ASTN1: variants seen among roughly 807,000 people sequenced by gnomAD.
ASTN1 encodes the protein astrotactin-1.
Under a neutral mutation model 140.7 loss-of-function variants are expected in ASTN1, and 41 were observed. The ratio of observed to expected loss-of-function variants is 0.29; its 90% CI spans 0.23 to 0.38. The LOEUF (loss-of-function observed/expected upper bound fraction) is 0.38. Ranked by LOEUF, ASTN1 falls within the 10% of genes least tolerant of loss-of-function variation. The pLI, the probability that ASTN1 is intolerant of heterozygous loss-of-function variation, is 1.00. For synonymous variants in ASTN1, 640 were observed against 652.2 expected (o/e 0.98, Z 0.29); for missense variants, 1,479 against 1,678.8 (o/e 0.88, Z 2.08).
chr1:177,141,836 CGTCACCTTGGAGCAAAACCAAAGCATA>C (rs1682486252), intron 1 of ASTN1, among the ~76,000 whole-genome samples: 1 of 152,170 alleles, frequency 6.6e-6, no homozygotes, highest in Non-Finnish European at 1.5e-5. Flanking sequence ...ATTTTGGAAA[CGTCACCTTGGAGCAAAACCAAAGCATA>C]GTTATGTGCT....
chr1:177,081,404 T>C (rs1679173931), intron 1 of ASTN1, among the ~76,000 whole-genome samples: 1 of 152,120 alleles, frequency 6.6e-6, no homozygotes, highest in African/African-American at 2.4e-5. Context: ...AGTAATGCAA[T>C]AAAGGGTCAG....
At chr1:176,965,413 G>A (rs546882864) in intron 8 of ASTN1, among the ~76,000 whole-genome samples, 176 bp from the exon 9 acceptor site, 3 of 152,140 alleles carry the variant, frequency 2.0e-5, no homozygotes, top group South Asian at 4.1e-4. Flanking sequence ...GGGACCTGAC[G>A]AAGAACACGA....
At chr1:177,102,463 C>A (rs751191904) in intron 1 of ASTN1, among the ~76,000 whole-genome samples, 1 of 152,092 alleles carries the variant, frequency 6.6e-6, no homozygotes, top group Non-Finnish European at 1.5e-5. Context: ...GGTCAATGAC[C>A]CTTTGCAGAA....
At chr1:177,011,718 T>G (rs1675303969) in intron 8 of ASTN1, among the ~76,000 whole-genome samples, 1 of 150,490 alleles carries the variant, frequency 6.6e-6, no homozygotes, top group Non-Finnish European at 1.5e-5. Context: ...CATACACACA[T>G]GCACACACAT....
intron 16 of ASTN1, among the ~76,000 whole-genome samples, chr1:176,903,687 A>AC (rs1399020952): frequency 1.3e-5 from 2 of 152,140 alleles, no homozygotes; most frequent in African/African-American, 4.8e-5. Flanking sequence ...AGAGCTAATC[A>AC]CCAAGGCTCT....
At position 176,861,195 on chromosome 1, in the gene ASTN1, G is replaced by A. The variant is rs1044324540; in HGVS notation, c.*3089C>T. ...TATTATATTCTTTCTTCCTTCTGCA[G>A]TAGTAAAGTGTTTTTCTTCATACTC... is the stretch of plus-strand genomic sequence containing the variant. On this transcript the variant is annotated 3_prime_UTR_variant, in exon 23 of 23. Coordinates refer to ENST00000361833, the MANE Select transcript of ASTN1 (RefSeq NM_004319.3). 1.5e-4 allele frequency: 143 copies of A among 967,558 alleles called. No individual in the cohort carries two copies. Among genetic ancestry groups the A allele is most frequent in the Non-Finnish European group, 1.7e-4 (141 of 813,538 alleles). 59.9% of individuals were successfully genotyped at this position (967,558 alleles called of 1,614,324 possible).
intron 8 of ASTN1, among the ~76,000 whole-genome samples, chr1:176,975,174 T>C (rs887049042): frequency 2.6e-5 from 4 of 152,236 alleles, no homozygotes; most frequent in African/African-American, 7.2e-5. Flanking sequence ...AAGCTGGTAA[T>C]AGCAGCTGCC....
intron 1 of ASTN1, among the ~76,000 whole-genome samples, chr1:177,160,360 CTT>C (rs1190128107): frequency 6.6e-6 from 1 of 152,350 alleles, no homozygotes; most frequent in East Asian, 1.9e-4. Context: ...GCTCCAGACA[CTT>C]TAAACAGCAC....
intron 16 of ASTN1, among the ~76,000 whole-genome samples, chr1:176,915,552 C>T (rs1042898133): frequency 1.3e-5 from 2 of 152,186 alleles, no homozygotes; most frequent in African/African-American, 4.8e-5. Context: ...GGATATCATG[C>T]ATCCTGGGCC....
At chr1:176,871,038 T>C (rs1668320709) in intron 21 of ASTN1, among the ~76,000 whole-genome samples, 1 of 152,158 alleles carries the variant, frequency 6.6e-6, no homozygotes, top group Non-Finnish European at 1.5e-5. Flanking sequence ...GCCGTTGCTA[T>C]TGTGTACTGA....
chr1:177,137,530 G>A (rs1682258108), intron 1 of ASTN1, among the ~76,000 whole-genome samples: 2 of 152,234 alleles, frequency 1.3e-5, no homozygotes, highest in Non-Finnish European at 2.9e-5. Flanking sequence ...GCTAGAATGA[G>A]CATTAGATTC....
At chr1:177,162,969 C>T (rs1397595063) in intron 1 of ASTN1, among the ~76,000 whole-genome samples, 2 of 152,272 alleles carry the variant, frequency 1.3e-5, no homozygotes, top group African/African-American at 2.4e-5. Context: ...AGCTGCACTC[C>T]GGGAACTATA....
At chr1:177,104,730 A>T (rs1266744887) in intron 1 of ASTN1, among the ~76,000 whole-genome samples, 1 of 152,240 alleles carries the variant, frequency 6.6e-6, no homozygotes, top group Non-Finnish European at 1.5e-5. Flanking sequence ...GAGTGAAATG[A>T]ATGCTAGTCC....
chr1:176,942,036 T>C (rs1671737302), intron 14 of ASTN1, among the ~76,000 whole-genome samples: 1 of 152,228 alleles, frequency 6.6e-6, no homozygotes, highest in African/African-American at 2.4e-5. Context: ...TTTGAAGAGA[T>C]TTATTGCTGG....
At chr1:177,023,114 G>T (rs1230688995) in intron 7 of ASTN1, among the ~76,000 whole-genome samples, 1 of 152,160 alleles carries the variant, frequency 6.6e-6, no homozygotes, top group Non-Finnish European at 1.5e-5. Flanking sequence ...TCTAGCCCCA[G>T]TATTTAAATA....
intron 14 of ASTN1, among the ~76,000 whole-genome samples, chr1:176,942,863 TATA>T (rs1671797034): frequency 6.5e-5 from 7 of 107,564 alleles, no homozygotes; most frequent in African/African-American, 1.3e-4. Context: ...TATATATATA[TATA>T]GATTGATGTC....
chr1:177,015,354 A>G (rs1472399789), intron 7 of ASTN1, among the ~76,000 whole-genome samples: 1 of 152,194 alleles, frequency 6.6e-6, no homozygotes, highest in Non-Finnish European at 1.5e-5. Context: ...GAGAAAATTG[A>G]AGGCTTGTAG....
chr1:177,074,528 T>TC (rs112963308), intron 1 of ASTN1, among the ~76,000 whole-genome samples: 231 of 152,290 alleles, frequency 1.5e-3, no homozygotes, highest in African/African-American at 5.1e-3. Context: ...TGTTACCATG[T>TC]CCCCCTTCAC....
At chr1:177,032,409 C>A in intron 3 of ASTN1, 47 bp downstream of exon 3, 1 of 1,585,316 alleles carries the variant, frequency 6.3e-7, no homozygotes, top group Non-Finnish European at 8.6e-7. Context: ...TCCCCAGCTC[C>A]TTGAGATGAA....
Sources: allele counts gnomAD v4.1 joint callset (sites outside exome capture counted in the v4.1 genomes callset), GRCh38; gene constraint gnomAD v4.1.1; transcripts MANE v1.5; gene names NCBI Gene and HGNC (gene_info 2026-07-23, HGNC 2026-07-21).